ZNF704: variants seen among roughly 807,000 people sequenced by gnomAD.
The protein encoded by ZNF704 is zinc finger protein 704, also known as glucocorticoid induced gene 1.
Under a neutral mutation model 44.7 loss-of-function variants are expected in ZNF704, and 10 were observed. The ratio of observed to expected loss-of-function variants is 0.22; its 90% confidence interval spans 0.14 to 0.38. ZNF704 has a LOEUF of 0.38. ZNF704 is among the 10% of genes least tolerant of loss of function. ZNF704 has a pLI of 1.00. For missense variants in ZNF704, 390 were observed against 545.5 expected, an observed-to-expected ratio of 0.71 and a Z score of 2.84; for synonymous variants, 211 against 207.6, an observed-to-expected ratio of 1.02 and a Z score of -0.14.
At chr8:80,659,865 T>C (rs1424006137) in intron 6 of ZNF704, among the ~76,000 whole-genome samples, 176 bp from the exon 7 acceptor site, 3 of 152,148 alleles carry the variant, frequency 2.0e-5, no homozygotes, top group Middle Eastern at 3.2e-3. Flanking sequence ...AAATAAACTT[T>C]GTATATATAC....
intron 7 of ZNF704, among the ~76,000 whole-genome samples, chr8:80,659,293 G>A (rs767773998): frequency 2.6e-5 from 4 of 152,058 alleles, no homozygotes; most frequent in Admixed American, 6.6e-5. Flanking sequence ...TAATTTTACA[G>A]TCTTTTGGAA....
chr8:80,843,424 T>C (rs1306749648), intron 1 of ZNF704, among the ~76,000 whole-genome samples: 3 of 152,218 alleles, frequency 2.0e-5, no homozygotes, highest in African/African-American at 4.8e-5. Context: ...TTTTTAAAAG[T>C]TGAAGTCTCT....
rs896386712 is a variant in ZNF704 at position 80,874,029 on chromosome 8, G to A, written c.-22+542C>T. Among the ~76,000 whole-genome samples the A allele has an allele frequency of 5.0e-4, 74 of 146,938 alleles. No individual in the cohort carries two copies. Among genetic ancestry groups the A allele is most frequent in the African/African-American group, 1.7e-3 (71 of 41,028 alleles). ...CTGCCCAGGCTGGAGCGCTTGGCTA[G>A]ACGCCGCGCCTGCATGCCTGAGCGC... is the stretch of plus-strand genomic sequence containing the variant. On this transcript the variant is annotated intron_variant, in intron 1 of 8. Transcript: ENST00000327835. This position sits in a 1 kb window ranked among gnomAD's most constrained non-coding sequence, Gnocchi z 4.4.
chr8:80,779,200 T>TA (rs1161449803), intron 2 of ZNF704, among the ~76,000 whole-genome samples: 1 of 151,810 alleles, frequency 6.6e-6, no homozygotes, highest in East Asian at 1.9e-4. Flanking sequence ...ACATGACATT[T>TA]AAAAAAAATT....
At chr8:80,710,898 GACA>G (rs1201944799) in intron 2 of ZNF704, among the ~76,000 whole-genome samples, 1 of 152,158 alleles carries the variant, frequency 6.6e-6, no homozygotes, top group Non-Finnish European at 1.5e-5. Flanking sequence ...GGTTGAATAA[GACA>G]ACATTTTTAT....
intron 1 of ZNF704, among the ~76,000 whole-genome samples, chr8:80,847,895 C>T (rs1481072726): frequency 6.6e-6 from 1 of 152,192 alleles, no homozygotes; most frequent in Admixed American, 6.5e-5. Flanking sequence ...TAAACATGCA[C>T]TTACCATAAG....
rs376182631 is a variant in ZNF704, at chr8:80,794,463, C to T, written c.221+26911G>A. Among the ~76,000 whole-genome samples the T allele has an allele frequency of 1.2e-3, 187 of 152,234 alleles. 3 individuals are homozygous for T. The South Asian group carries it at 0.016, about 13-fold the overall frequency. On this transcript the variant is annotated intron_variant, in intron 2 of 8. Transcript: ENST00000327835. The stretch of plus-strand genomic sequence containing the variant: ...ACATTTCAAAAATCTTTCCAGGAAA[C>T]AGCTCACATAAAAGACAACGACCCA...
intron 2 of ZNF704, among the ~76,000 whole-genome samples, chr8:80,770,821 T>C (rs1807307168): frequency 6.6e-6 from 1 of 152,342 alleles, no homozygotes; most frequent in Admixed American, 6.5e-5. Flanking sequence ...AATTTTATGG[T>C]CATACATTTT....
At position 80,870,960 on chromosome 8, in the gene ZNF704, C is replaced by T. The variant is rs1253434323; in HGVS notation, c.-22+3611G>A. 6.6e-5 allele frequency among the ~76,000 whole-genome samples: 10 copies of T among 152,258 alleles called. No individual in the cohort carries two copies. In the South Asian group the frequency reaches 2.1e-3, roughly 32 times the overall value. ...TTTTCCTAATCTTAGTAAATGGTAC[C>T]TTCAACCAACATTTACATCATGGTC... On this transcript the variant is annotated intron_variant, in intron 1 of 8. Transcript: ENST00000327835.
chr8:80,678,414 G>C (rs1400086303), intron 4 of ZNF704, among the ~76,000 whole-genome samples: 2 of 152,166 alleles, frequency 1.3e-5, no homozygotes, highest in African/African-American at 4.8e-5. Flanking sequence ...AGTCCAGACT[G>C]TCAGAGCTCT....
intron 2 of ZNF704, among the ~76,000 whole-genome samples, chr8:80,697,919 T>TGC (rs1346560247): frequency 2.0e-5 from 3 of 152,226 alleles, no homozygotes; most frequent in Non-Finnish European, 4.4e-5. Context: ...CTGCTATAAC[T>TGC]CTGTAAGAGC....
At chr8:80,802,472 A>C (rs1315722830) in intron 2 of ZNF704, among the ~76,000 whole-genome samples, 7 of 152,196 alleles carry the variant, frequency 4.6e-5, no homozygotes, top group Non-Finnish European at 1.0e-4. Context: ...CCAGCAGCAC[A>C]ACAGAAAGCT....
chr8:80,730,927 C>G (rs1374637013), intron 2 of ZNF704, among the ~76,000 whole-genome samples: 1 of 152,164 alleles, frequency 6.6e-6, no homozygotes, highest in Non-Finnish European at 1.5e-5. Flanking sequence ...AATTTGATAA[C>G]TGAAACCAAC....
intron 2 of ZNF704, among the ~76,000 whole-genome samples, chr8:80,707,261 A>T (rs1818913137): frequency 6.6e-6 from 1 of 152,204 alleles, no homozygotes; most frequent in South Asian, 2.1e-4. Flanking sequence ...AATTTCCTAT[A>T]ATTGAAATAT....
intron 2 of ZNF704, among the ~76,000 whole-genome samples, chr8:80,730,052 A>G (rs946728461): frequency 6.6e-6 from 1 of 152,198 alleles, no homozygotes; most frequent in African/African-American, 2.4e-5. Flanking sequence ...ACACCTATGC[A>G]TAGGTGGACG....
chr8:80,818,168 C>A (rs946133798), intron 2 of ZNF704, among the ~76,000 whole-genome samples: 2 of 151,998 alleles, frequency 1.3e-5, no homozygotes, highest in Non-Finnish European at 2.9e-5. Flanking sequence ...TTTCATTTTA[C>A]AAACCAGAGA....
At chr8:80,724,222 T>C (rs1199948256) in intron 2 of ZNF704, among the ~76,000 whole-genome samples, 2 of 152,202 alleles carry the variant, frequency 1.3e-5, no homozygotes, top group Admixed American at 6.5e-5. Context: ...TGATGAAATA[T>C]GTAGGAGGTA....
chr8:80,736,403 C>T (rs1806665937), intron 2 of ZNF704, among the ~76,000 whole-genome samples: 1 of 152,202 alleles, frequency 6.6e-6, no homozygotes, highest in Non-Finnish European at 1.5e-5. Flanking sequence ...CCTCAGCCTC[C>T]CGAGTAGCTG....
At chr8:80,642,913 G>A in intron 8 of ZNF704, 122 bp downstream of exon 8, 3 of 552,274 alleles carry the variant, frequency 5.4e-6, no homozygotes. Context: ...AAAAAAGAAA[G>A]GGTGTTTTGT....
Sources: allele counts gnomAD v4.1 joint callset (sites outside exome capture counted in the v4.1 genomes callset), GRCh38; gene constraint gnomAD v4.1.1; non-coding constraint Gnocchi (gnomAD v3.1); transcripts MANE v1.5; gene names NCBI Gene and HGNC (gene_info 2026-07-23, HGNC 2026-07-21).